The following STK32B variants were observed in gnomAD, a reference collection of about 807,000 sequenced individuals.
STK32B encodes serine/threonine kinase 32B.
A neutral mutation model predicts 52.6 loss-of-function variants in STK32B; 43 were observed. The observed-to-expected ratio is 0.82, with a 90% CI of 0.64 to 1.05. The LOEUF (loss-of-function observed/expected upper bound fraction) is 1.05. Among genes scored for constraint, STK32B ranks in the 50% least tolerant of loss-of-function variants. The pLI, the probability that STK32B is intolerant of heterozygous loss-of-function variation, is 0.00. For missense variants in STK32B, 621 were observed against 534.6 expected (o/e 1.16, Z -1.59); for synonymous variants, 238 against 204.3 (o/e 1.17, Z -1.41).
rs183686509 is a variant in STK32B, at chr4:5,484,592, C to A, written c.1107-14353C>A. 6.4e-3 allele frequency among the ~76,000 whole-genome samples: 973 copies of A among 152,180 alleles called. 7 individuals are homozygous for A. Among genetic ancestry groups the A allele is most frequent in the African/African-American group, 0.022 (907 of 41,516 alleles). ...TGGAGCATTTAGCCCATTTACATTT[C>A]AGGTTAATATTGTTACGTGTGAATT... On this transcript the variant is annotated intron_variant, in intron 11 of 11. Coordinates refer to ENST00000282908, the MANE Select transcript of STK32B (RefSeq NM_018401.3).
intron 1 of STK32B, among the ~76,000 whole-genome samples, chr4:5,075,519 A>C (rs909552658): frequency 6.6e-6 from 1 of 152,146 alleles, no homozygotes; most frequent in African/African-American, 2.4e-5. Context: ...CATTTCAGCC[A>C]TTAACCCTTG....
At chr4:5,162,470 C>T (rs78995333) in intron 2 of STK32B, among the ~76,000 whole-genome samples, 5,057 of 152,276 alleles carry the variant, frequency 0.033, 134 homozygotes, top group East Asian at 0.068. Context: ...GCTCCAGCCA[C>T]CTTCTCCACT....
chr4:5,196,501 T>A (rs559843002), intron 3 of STK32B, among the ~76,000 whole-genome samples: 1 of 151,712 alleles, frequency 6.6e-6, no homozygotes, highest in Non-Finnish European at 1.5e-5. Context: ...GGTGCGTAGA[T>A]CACGAGGTCA....
At chr4:5,374,483 A>G (rs1735452751) in intron 4 of STK32B, among the ~76,000 whole-genome samples, 2 of 152,254 alleles carry the variant, frequency 1.3e-5, no homozygotes, top group African/African-American at 4.8e-5. Context: ...CTGCTGTGAC[A>G]CAATACCTTA....
chr4:5,213,781 G>A (rs1560230853), intron 3 of STK32B, among the ~76,000 whole-genome samples: 2 of 152,024 alleles, frequency 1.3e-5, no homozygotes, highest in Non-Finnish European at 2.9e-5. Context: ...ATTTATGGGG[G>A]GATTTATATG....
Position 5,470,741 on chromosome 4 carries a change from T to C in STK32B, c.1106+2671T>C, listed in dbSNP as rs1009669548. Among the ~76,000 whole-genome samples the C allele has an allele frequency of 1.3e-5, 2 of 152,244 alleles. No homozygotes were observed. Among genetic ancestry groups the C allele is most frequent in the Non-Finnish European group, 1.5e-5 (1 of 68,048 alleles). Reference sequence around the variant, plus strand: ...TGAGAAGTTGATTCATGACTCATGATTGCCTCAAAACAAGCATTTTTACTT... The same window carrying C: ...TGAGAAGTTGATTCATGACTCATGACTGCCTCAAAACAAGCATTTTTACTT... On this transcript the variant is annotated intron_variant, in intron 11 of 11. Coordinates refer to ENST00000282908, the MANE Select transcript of STK32B (RefSeq NM_018401.3). The surrounding 1 kb of genome is among the most constrained non-coding windows in gnomAD (Gnocchi z 4.6).
intron 7 of STK32B, among the ~76,000 whole-genome samples, chr4:5,451,862 CA>C (rs1290019622): frequency 6.6e-6 from 1 of 152,178 alleles, no homozygotes; most frequent in East Asian, 1.9e-4. Context: ...TGGGATCCTG[CA>C]GGTGAGGCCA....
intron 6 of STK32B, among the ~76,000 whole-genome samples, chr4:5,438,490 G>C (rs1714338487): frequency 6.6e-6 from 1 of 152,214 alleles, no homozygotes; most frequent in African/African-American, 2.4e-5. Context: ...TGAGGCTGAG[G>C]AGGATGGCAT....
At chr4:5,107,748 C>T (rs959022452) in intron 1 of STK32B, among the ~76,000 whole-genome samples, 6 of 152,234 alleles carry the variant, frequency 3.9e-5, no homozygotes, top group African/African-American at 9.6e-5. Context: ...CCTTTATTGA[C>T]GAAATTTCAA....
At chr4:5,150,440 A>G (rs2108844610) in intron 2 of STK32B, among the ~76,000 whole-genome samples, 1 of 152,194 alleles carries the variant, frequency 6.6e-6, no homozygotes, top group Non-Finnish European at 1.5e-5. Flanking sequence ...TACATCCTGG[A>G]CATTGTGGGT....
chr4:5,319,026 G>A lies in STK32B; in HGVS notation c.261-12194G>A, dbSNP rs190339757. On this transcript the variant is annotated intron_variant, in intron 3 of 11. Coordinates refer to ENST00000282908, the MANE Select transcript of STK32B (RefSeq NM_018401.3). ...TCACTGTGTTTGCGAGGATGGTCTC[G>A]ATCTCCTGACCTTGTGATCCACCCG... Among the ~76,000 whole-genome samples the A allele has an allele frequency of 5.3e-5, 8 of 152,064 alleles. No homozygotes were observed. The East Asian group carries it at 9.7e-4, about 18-fold the overall frequency.
At chr4:5,137,182 A>G (rs114123916) in intron 1 of STK32B, among the ~76,000 whole-genome samples, 1 of 152,304 alleles carries the variant, frequency 6.6e-6, no homozygotes, top group Non-Finnish European at 1.5e-5. Context: ...AAGGAATGTA[A>G]CTCAGGAAGG....
intron 3 of STK32B, among the ~76,000 whole-genome samples, chr4:5,316,861 T>TTATATAATATATAATATATCA (rs1730901974): frequency 3.6e-4 from 2 of 5,616 alleles, no homozygotes; most frequent in East Asian, 0.019. Context: ...ATTATATATA[T>TTATATAATATATAATATATCA]TATATATTAT....
intron 2 of STK32B, among the ~76,000 whole-genome samples, chr4:5,165,557 C>T (rs1260425597): frequency 6.6e-6 from 1 of 152,202 alleles, no homozygotes; most frequent in Non-Finnish European, 1.5e-5. Flanking sequence ...CCCGCAGAGG[C>T]AGTGCCTGCT....
At chr4:5,183,400 T>C (rs1478671603) in intron 3 of STK32B, among the ~76,000 whole-genome samples, 1 of 150,046 alleles carries the variant, frequency 6.7e-6, no homozygotes, top group Non-Finnish European at 1.5e-5. Flanking sequence ...TCGCTTGAAC[T>C]GAGGAAGCAG....
chr4:5,365,945 C>T (rs971504797), intron 4 of STK32B, among the ~76,000 whole-genome samples: 9 of 152,204 alleles, frequency 5.9e-5, no homozygotes, highest in African/African-American at 1.7e-4. Flanking sequence ...ACTCCACACT[C>T]CTCAGTGTTT....
At chr4:5,454,387 C>T (rs748402896) in intron 7 of STK32B, among the ~76,000 whole-genome samples, 2 of 152,080 alleles carry the variant, frequency 1.3e-5, no homozygotes, top group Non-Finnish European at 2.9e-5. Flanking sequence ...CTATTCCAGG[C>T]CTCTCTGCTT....
chr4:5,380,246 A>G lies in STK32B; in HGVS notation c.435-17961A>G, dbSNP rs76182428. Among the ~76,000 whole-genome samples the G allele has an allele frequency of 0.025, 3,735 of 152,272 alleles. 158 individuals are homozygous for G. The highest frequency in any genetic ancestry group is 0.084 in the African/African-American group (3,481 of 41,544). The stretch of plus-strand genomic sequence containing the variant: ...AAAATGGAACTGAACATGCTATGTC[A>G]GAGCAACCCCATCCCCATGGCCACG... On this transcript the variant is annotated intron_variant, in intron 4 of 11. Transcript: ENST00000282908. This position sits in a 1 kb window ranked among gnomAD's most constrained non-coding sequence, Gnocchi z 4.3.
Position 5,369,142 on chromosome 4 carries a change from C to T in STK32B, c.435-29065C>T, listed in dbSNP as rs556778252. The stretch of plus-strand genomic sequence containing the variant: ...TCCTTGAAGATCTGGCTGACACTTA[C>T]TCTTCGCCTCTCCTCCCACTCTTCT... On this transcript the variant is annotated intron_variant, in intron 4 of 11. Coordinates refer to ENST00000282908, the MANE Select transcript of STK32B (RefSeq NM_018401.3). 1.7e-3 allele frequency among the ~76,000 whole-genome samples: 261 copies of T among 151,952 alleles called. 1 individual carries two copies. The highest frequency in any genetic ancestry group is 5.1e-3 in the African/African-American group (211 of 41,472).
Sources: gnomAD v4.1 joint callset for allele counts (sites outside exome capture counted in the v4.1 genomes callset) on GRCh38, gnomAD v4.1.1 for gene constraint, Gnocchi (gnomAD v3.1) non-coding constraint, MANE v1.5 for transcripts, NCBI Gene and HGNC (gene_info 2026-07-23, HGNC 2026-07-21) for gene names.